TMTC2: variants seen among roughly 807,000 people sequenced by gnomAD.
TMTC2 encodes the protein protein O-mannosyl-transferase TMTC2.
TMTC2 carries 43 observed loss-of-function variants against 82.4 expected under a neutral mutation model. The ratio of observed to expected loss-of-function variants is 0.52; its 90% CI spans 0.41 to 0.67. The LOEUF (loss-of-function observed/expected upper bound fraction) is 0.67, where lower values mean the gene tolerates loss of function less well. Among genes scored for constraint, TMTC2 ranks in the 30% least tolerant of loss-of-function variants. The pLI, the probability that TMTC2 is intolerant of heterozygous loss-of-function variation, is 0.00. For synonymous variants in TMTC2, 408 were observed against 381.9 expected, an observed-to-expected ratio of 1.07 and a Z score of -0.80; for missense variants, 919 against 1,012.4, an observed-to-expected ratio of 0.91 and a Z score of 1.25.
chr12:83,072,170 G>A (rs1883142268), intron 11 of TMTC2, among the ~76,000 whole-genome samples: 1 of 152,046 alleles, frequency 6.6e-6, no homozygotes, highest in South Asian at 2.1e-4. Context: ...TCTTAGCGCT[G>A]CTTTTGCTGT....
intron 2 of TMTC2, among the ~76,000 whole-genome samples, chr12:82,878,682 A>T (rs1727931523): frequency 6.6e-6 from 1 of 152,150 alleles, no homozygotes; most frequent in South Asian, 2.1e-4. Context: ...GGACATTGGA[A>T]TCTAAATGTT....
intron 2 of TMTC2, among the ~76,000 whole-genome samples, chr12:82,892,944 G>A (rs955277815): frequency 3.3e-5 from 5 of 152,072 alleles, no homozygotes; most frequent in African/African-American, 1.2e-4. Flanking sequence ...ATGGTTTTGT[G>A]GTATTTTTCT....
intron 1 of TMTC2, among the ~76,000 whole-genome samples, chr12:82,790,601 G>A (rs1228249303): frequency 6.6e-6 from 1 of 151,886 alleles, no homozygotes; most frequent in Non-Finnish European, 1.5e-5. Context: ...GGCCGAGGTG[G>A]GAGGATCACC....
intron 1 of TMTC2, among the ~76,000 whole-genome samples, chr12:82,735,854 T>C (rs1875092635): frequency 6.6e-6 from 1 of 151,824 alleles, no homozygotes; most frequent in Non-Finnish European, 1.5e-5. Context: ...GGCGTGGTGG[T>C]AGGCACTACT....
intron 4 of TMTC2, among the ~76,000 whole-genome samples, chr12:82,938,123 A>G (rs1876508493): frequency 6.6e-6 from 1 of 151,822 alleles, no homozygotes; most frequent in Admixed American, 6.6e-5. Flanking sequence ...CATGTTGGCC[A>G]GGCTGGTCTC....
intron 7 of TMTC2, among the ~76,000 whole-genome samples, chr12:82,979,979 T>C (rs948378073): frequency 6.6e-6 from 1 of 151,808 alleles, no homozygotes; most frequent in African/African-American, 2.4e-5. Context: ...CCATTGTATG[T>C]TATTTGTTTA....
chr12:82,928,658 G>C (rs1592634090), intron 3 of TMTC2, among the ~76,000 whole-genome samples: 5 of 152,192 alleles, frequency 3.3e-5, no homozygotes, highest in Non-Finnish European at 7.3e-5. Flanking sequence ...TGTCGGATTA[G>C]AGTTTTTGCT....
chr12:82,933,213 T>G (rs1156848880), intron 4 of TMTC2, among the ~76,000 whole-genome samples: 1 of 152,214 alleles, frequency 6.6e-6, no homozygotes, highest in Non-Finnish European at 1.5e-5. Context: ...TGGAAAGTAT[T>G]GGCTTTGACA....
At chr12:82,890,579 T>C (rs1873344799) in intron 2 of TMTC2, among the ~76,000 whole-genome samples, 1 of 152,228 alleles carries the variant, frequency 6.6e-6, no homozygotes, top group East Asian at 1.9e-4. Context: ...TGTACAAATA[T>C]GCAGTGACCC....
At chr12:82,691,924 C>T (rs1171313976) in intron 1 of TMTC2, among the ~76,000 whole-genome samples, 2 of 152,184 alleles carry the variant, frequency 1.3e-5, no homozygotes, top group South Asian at 2.1e-4. Context: ...CCAGTTTTCA[C>T]TGGAATACAA....
chr12:82,880,655 A>G (rs887908161), intron 2 of TMTC2, among the ~76,000 whole-genome samples: 3 of 152,282 alleles, frequency 2.0e-5, no homozygotes, highest in Non-Finnish European at 4.4e-5. Flanking sequence ...CAGGGTTCCA[A>G]GGGCCCTGAG....
At chr12:82,960,973 A>G (rs753705722) in intron 4 of TMTC2, among the ~76,000 whole-genome samples, 5 of 151,992 alleles carry the variant, frequency 3.3e-5, no homozygotes, top group Admixed American at 6.6e-5. Context: ...ATTAAATTAC[A>G]GGTCCTCATG....
intron 3 of TMTC2, among the ~76,000 whole-genome samples, chr12:82,921,644 C>G (rs1050860580): frequency 6.6e-6 from 1 of 152,004 alleles, no homozygotes; most frequent in East Asian, 1.9e-4. Context: ...AATGAATACT[C>G]TGAATATTTG....
chr12:82,743,224 C>T (rs1338602654), intron 1 of TMTC2, among the ~76,000 whole-genome samples: 2 of 151,924 alleles, frequency 1.3e-5, no homozygotes, highest in African/African-American at 2.4e-5. Flanking sequence ...GGGTGGATCA[C>T]GAGGTCAGGA....
chr12:82,718,610 CT>C (rs1434246736), intron 1 of TMTC2, among the ~76,000 whole-genome samples: 2 of 152,170 alleles, frequency 1.3e-5, no homozygotes, highest in East Asian at 3.8e-4. Context: ...TAAGCCTGAA[CT>C]CAGAAGATGT....
At chr12:82,737,394 C>G (rs751975587) in intron 1 of TMTC2, among the ~76,000 whole-genome samples, 30 of 152,088 alleles carry the variant, frequency 2.0e-4, no homozygotes, top group Non-Finnish European at 3.8e-4. Flanking sequence ...ACGTGCAGCA[C>G]TGTTTAGAAA....
intron 8 of TMTC2, among the ~76,000 whole-genome samples, chr12:82,998,260 A>C (rs1879755963): frequency 6.6e-6 from 1 of 152,196 alleles, no homozygotes; most frequent in African/African-American, 2.4e-5. Flanking sequence ...GGAGAGCTCC[A>C]GGAAATCAGC....
At chr12:82,813,659 C>A (rs1292653485) in intron 1 of TMTC2, among the ~76,000 whole-genome samples, 1 of 152,080 alleles carries the variant, frequency 6.6e-6, no homozygotes, top group East Asian at 1.9e-4. Flanking sequence ...ATGATACTGG[C>A]ATGGGAAATT....
chr12:82,988,296 A>G (rs1427593464), intron 8 of TMTC2, among the ~76,000 whole-genome samples: 1 of 152,178 alleles, frequency 6.6e-6, no homozygotes, highest in Admixed American at 6.5e-5. Context: ...TAAACTTTGG[A>G]ATGGGATAAC....
Sources: gnomAD v4.1 joint callset for allele counts (sites outside exome capture counted in the v4.1 genomes callset) on GRCh38, gnomAD v4.1.1 for gene constraint, MANE v1.5 for transcripts, NCBI Gene and HGNC (gene_info 2026-07-23, HGNC 2026-07-21) for gene names.